Variants in CTNNA1 observed in about 807,000 individuals in gnomAD.
CTNNA1 encodes the protein catenin alpha 1, also known as catenin alpha-1.
CTNNA1 carries 37 observed loss-of-function variants against 98.4 expected under a neutral mutation model. That is an observed-to-expected ratio of 0.38 (90% CI 0.29 to 0.49). The LOEUF is 0.49. Among genes scored for constraint, CTNNA1 ranks in the 20% least tolerant of loss-of-function variants. The pLI is 0.95. For missense variants in CTNNA1, 761 were observed against 1,147.2 expected, an observed-to-expected ratio of 0.66 and a Z score of 4.86; for synonymous variants, 404 against 413.2, an observed-to-expected ratio of 0.98 and a Z score of 0.27.
Position 138,810,164 on chromosome 5 carries a change from A to G in CTNNA1, c.428A>G (p.Asp143Gly), listed in dbSNP as rs1295022308. 6.2e-7 allele frequency: 1 copy of G among 1,614,190 alleles called. No individual in the cohort carries two copies. The highest frequency in any genetic ancestry group is 8.5e-7 in the Non-Finnish European group (1 of 1,180,026). The stretch of plus-strand genomic sequence containing the variant: ...GTTACCCGGTTGCTGATTTTGGCTG[A>G]CATGGCAGATGTCTACAAATTACTT... Reference protein sequence around the residue: ...SAVTRLLILADMADVYKLLVQ... With the variant: ...SAVTRLLILAGMADVYKLLVQ... The change falls in exon 4 of 18, where the codon GAC becomes GGC. Residue 143 changes from aspartate (D) to glycine (G), a missense_variant. Asp to Gly is a moderately conservative substitution (Grantham distance 94). Coordinates refer to ENST00000302763, the MANE Select transcript of CTNNA1 (RefSeq NM_001903.5).
In CTNNA1 at chr5:138,924,506, C is replaced by G. The variant is rs2150287727; in HGVS notation, c.1547-4C>G. 1 of 1,613,952 alleles carries G rather than the reference C, an allele frequency of 6.2e-7. No homozygotes were observed. The highest frequency in any genetic ancestry group is 8.5e-7 in the Non-Finnish European group (1 of 1,179,986). ...CCTCATTCAACTTTTTGCTTGTTCT[C>G]CAGAGAATCACATTTTGGAAGATGT... On this transcript the variant is annotated splice_region_variant and splice_polypyrimidine_tract_variant and intron_variant, in intron 11 of 17. Coordinates refer to ENST00000302763, the MANE Select transcript of CTNNA1 (RefSeq NM_001903.5).
chr5:138,820,315 A>G (rs1759903754), intron 5 of CTNNA1, among the ~76,000 whole-genome samples: 1 of 151,464 alleles, frequency 6.6e-6, no homozygotes, highest in Admixed American at 6.6e-5. Context: ...AGCAAGACAC[A>G]CTCCAGCCAT....
chr5:138,785,308 G>A (rs1011714399), intron 3 of CTNNA1, among the ~76,000 whole-genome samples: 5 of 151,838 alleles, frequency 3.3e-5, no homozygotes, highest in African/African-American at 7.3e-5. Flanking sequence ...TGATCCGCCC[G>A]CCTCGGCCTC....
chr5:138,902,481 G>A (rs1016310695), intron 9 of CTNNA1, among the ~76,000 whole-genome samples: 10 of 152,178 alleles, frequency 6.6e-5, no homozygotes, highest in Middle Eastern at 3.2e-3. Context: ...GTGCAGTGGC[G>A]TGATCTCGGC....
chr5:138,819,409 T>C (rs1759785284), intron 5 of CTNNA1, among the ~76,000 whole-genome samples: 1 of 152,194 alleles, frequency 6.6e-6, no homozygotes, highest in Non-Finnish European at 1.5e-5. Context: ...GGAAACAGAA[T>C]ACTAGAGTTG....
chr5:138,843,384 A>G (rs1164515751), intron 7 of CTNNA1, among the ~76,000 whole-genome samples: 1 of 152,160 alleles, frequency 6.6e-6, no homozygotes, highest in Non-Finnish European at 1.5e-5. Context: ...TTAGCATGTT[A>G]GATGTCTGAG....
chr5:138,873,327 G>A lies in CTNNA1; in HGVS notation c.1063-12885G>A. 6.2e-7 allele frequency: 1 copy of A among 1,614,068 alleles called. No individual in the cohort carries two copies. Among genetic ancestry groups the A allele is most frequent in the Non-Finnish European group, 8.5e-7 (1 of 1,179,892 alleles). On this transcript the variant is annotated intron_variant, in intron 7 of 17. Coordinates refer to ENST00000302763, the MANE Select transcript of CTNNA1 (RefSeq NM_001903.5). This position sits in a 1 kb window ranked among gnomAD's most constrained non-coding sequence, Gnocchi z 6.1. Reference sequence around the variant, plus strand: ...GTGAAGATGGCATTGTCTGGTTCAGGAAAGTGTTCCTCGGTAGTAACTGCT... The same window carrying A: ...GTGAAGATGGCATTGTCTGGTTCAGAAAAGTGTTCCTCGGTAGTAACTGCT...
At chr5:138,923,113 A>C (rs2351463) in intron 11 of CTNNA1, among the ~76,000 whole-genome samples, 48,905 of 151,994 alleles carry the variant, frequency 0.32, 8,186 homozygotes, top group African/African-American at 0.42. Flanking sequence ...GATTTCTTTC[A>C]ATTGTATTCC....
intron 10 of CTNNA1, among the ~76,000 whole-genome samples, chr5:138,910,087 A>G (rs935335336): frequency 6.6e-6 from 1 of 151,836 alleles, no homozygotes; most frequent in Non-Finnish European, 1.5e-5. Flanking sequence ...TCCCATCTCT[A>G]CCCTTCTGTG....
intron 8 of CTNNA1, among the ~76,000 whole-genome samples, chr5:138,886,663 T>G (rs1355986672): frequency 6.6e-6 from 1 of 152,178 alleles, no homozygotes; most frequent in African/African-American, 2.4e-5. Context: ...TGCCCTATAC[T>G]CATTACACAC....
At chr5:138,767,185 G>A (rs1204696609) in intron 1 of CTNNA1, among the ~76,000 whole-genome samples, 1 of 152,032 alleles carries the variant, frequency 6.6e-6, no homozygotes, top group African/African-American at 2.4e-5. Context: ...ACAGGCGCCC[G>A]CCATCACGCC....
At chr5:138,818,809 C>T (rs139527150) in intron 5 of CTNNA1, among the ~76,000 whole-genome samples, 228 of 152,290 alleles carry the variant, frequency 1.5e-3, no homozygotes, top group Middle Eastern at 3.4e-3. Context: ...CGAGCAGCTA[C>T]TGTGGCACTG....
chr5:138,904,254 C>A, intron 9 of CTNNA1, 95 bp from the exon 10 acceptor site: 1 of 1,416,236 alleles, frequency 7.1e-7, no homozygotes, highest in Non-Finnish European at 9.4e-7. Context: ...CCCTTGTCAT[C>A]TGTTCCAGAA....
chr5:138,931,886 A>G, intron 16 of CTNNA1: 1 of 985,532 alleles, frequency 1.0e-6, no homozygotes, highest in African/African-American at 1.7e-5. Context: ...TTTGCTTGCT[A>G]TAAACACTTG....
At position 138,914,493 on chromosome 5, in the gene CTNNA1, T is replaced by C. The variant is rs189816096; in HGVS notation, c.1390-3249T>C. 2.7e-3 allele frequency among the ~76,000 whole-genome samples: 415 copies of C among 152,268 alleles called. 2 individuals are homozygous for C. Among genetic ancestry groups the C allele is most frequent in the South Asian group, 0.02 (95 of 4,814 alleles). On this transcript the variant is annotated intron_variant, in intron 10 of 17. Coordinates refer to ENST00000302763, the MANE Select transcript of CTNNA1 (RefSeq NM_001903.5). ...ATTATTGCCTAAACCCAGGCACTTA[T>C]GGAAGTGTTGGGCTATTAATAGTTC...
At chr5:138,908,787 C>T (rs773362942) in intron 10 of CTNNA1, among the ~76,000 whole-genome samples, 17 of 152,096 alleles carry the variant, frequency 1.1e-4, no homozygotes, top group East Asian at 7.8e-4. Context: ...GGAGGTAGGT[C>T]GGCTCTCTCT....
intron 7 of CTNNA1, among the ~76,000 whole-genome samples, chr5:138,836,055 T>C (rs904424000): frequency 3.3e-5 from 5 of 152,226 alleles, no homozygotes; most frequent in Admixed American, 6.5e-5. Flanking sequence ...TCCGTGCTAT[T>C]GGCCAGGCTG....
Position 138,858,602 on chromosome 5 carries a change from T to C in CTNNA1, c.1063-27610T>C, listed in dbSNP as rs1442411081. On this transcript the variant is annotated intron_variant, in intron 7 of 17. Transcript: ENST00000302763. ...TTTTTCTTTTTCTTTTTCTTTTTTT[T>C]TTTTTTTTTTTGAGACAGAGTCTTA... 4.3e-3 allele frequency among the ~76,000 whole-genome samples: 631 copies of C among 145,980 alleles called. 5 individuals carry two copies. Among genetic ancestry groups the C allele is most frequent in the Non-Finnish European group, 6.9e-3 (456 of 66,484 alleles).
At chr5:138,821,501 T>C (rs1437525540) in intron 5 of CTNNA1, among the ~76,000 whole-genome samples, 1 of 152,248 alleles carries the variant, frequency 6.6e-6, no homozygotes, top group Non-Finnish European at 1.5e-5. Flanking sequence ...TTGTAAATAC[T>C]TTGGACTGGT....
Sources: gnomAD v4.1 joint callset for allele counts (sites outside exome capture counted in the v4.1 genomes callset) on GRCh38, gnomAD v4.1.1 for gene constraint, Gnocchi (gnomAD v3.1) non-coding constraint, MANE v1.5 for transcripts, NCBI Gene and HGNC (gene_info 2026-07-23, HGNC 2026-07-21) for gene names.